The following EP300 variants were observed in gnomAD, a reference collection of about 807,000 sequenced individuals.
EP300 encodes EP300 lysine acetyltransferase.
EP300 carries 31 observed loss-of-function variants against 264.0 expected under a neutral mutation model. The observed-to-expected ratio is 0.12, with a 90% CI of 0.09 to 0.16. The LOEUF is 0.16. Ranked by LOEUF, EP300 falls within the 10% of genes least tolerant of loss-of-function variation. The pLI, the probability that EP300 is intolerant of heterozygous loss-of-function variation, is 1.00. For synonymous variants in EP300, 1,340 were observed against 1,045.4 expected, an observed-to-expected ratio of 1.28 and a Z score of -5.44; for missense variants, 2,766 against 3,052.9, an observed-to-expected ratio of 0.91 and a Z score of 2.21.
chr22:41,136,224 C>T (rs2058949640), intron 7 of EP300, among the ~76,000 whole-genome samples: 1 of 152,194 alleles, frequency 6.6e-6, no homozygotes, highest in Non-Finnish European at 1.5e-5. Context: ...CAGGGTTTCA[C>T]TGTGTTGGCC....
chr22:41,158,364 C>A (rs2145749292), intron 18 of EP300, 48 bp from the exon 19 acceptor site: 1 of 1,508,382 alleles, frequency 6.6e-7, no homozygotes, highest in Non-Finnish European at 9.2e-7. Context: ...ACTGTTCTAG[C>A]TTGTCCTTAA....
chr22:41,130,708 T>C (rs1301301818), intron 5 of EP300, among the ~76,000 whole-genome samples: 1 of 152,164 alleles, frequency 6.6e-6, no homozygotes, highest in East Asian at 1.9e-4. Flanking sequence ...AAGTTATTCT[T>C]TTATACTATA....
chr22:41,147,944 C>G lies in EP300; in HGVS notation c.2239C>G (p.Pro747Ala), dbSNP rs368925714. The change falls in exon 12 of 31, where the codon CCG (proline) becomes GCG (alanine). Residue 747 changes from proline to alanine, a missense_variant and splice_region_variant. By Grantham distance (27) the Pro-to-Ala change is conservative. Transcript: ENST00000263253. The part of the protein sequence containing the change: ...GQLAQPGALN[P>A]PMGYGPRMQQ... Reference sequence around the variant, plus strand: ...GTTGGCTCAACCTGGAGCTCTCAACCCGGTTAGTTTGACGTCTTTGGTAAT... The same window carrying G: ...GTTGGCTCAACCTGGAGCTCTCAACGCGGTTAGTTTGACGTCTTTGGTAAT... 1 of 1,599,564 alleles carries G rather than the reference C, an allele frequency of 6.3e-7. No individual in the cohort carries two copies. The highest frequency in any genetic ancestry group is 8.5e-7 in the Non-Finnish European group (1 of 1,172,466).
At chr22:41,148,046 C>T in intron 12 of EP300, 100 bp downstream of exon 12, 1 of 851,096 alleles carries the variant, frequency 1.2e-6, no homozygotes, top group Non-Finnish European at 1.8e-6. Flanking sequence ...TTTAAACAGA[C>T]CATAACTCCT....
At chr22:41,112,486 A>G (rs2058798048) in intron 1 of EP300, among the ~76,000 whole-genome samples, 1 of 152,230 alleles carries the variant, frequency 6.6e-6, no homozygotes, top group Admixed American at 6.5e-5. Context: ...GGCGTGAGCC[A>G]CTGTGCCTGG....
At chr22:41,096,682 G>C (rs1342868131) in intron 1 of EP300, among the ~76,000 whole-genome samples, 1 of 143,062 alleles carries the variant, frequency 7.0e-6, no homozygotes, top group Admixed American at 7.4e-5. Flanking sequence ...GCAGTAGCTC[G>C]ATCTTGGCTC....
chr22:41,110,128 C>CCCCT (rs1555904630), intron 1 of EP300, among the ~76,000 whole-genome samples: 5 of 108,556 alleles, frequency 4.6e-5, no homozygotes, highest in Non-Finnish European at 5.8e-5. Context: ...CCCCCCCCCC[C>CCCCT]TTTTTTTTTA....
At chr22:41,127,039 C>T (rs1028779706) in intron 3 of EP300, among the ~76,000 whole-genome samples, 4 of 151,990 alleles carry the variant, frequency 2.6e-5, no homozygotes, top group South Asian at 2.1e-4. Flanking sequence ...CCACCGCGCC[C>T]GGCCTGAAAT....
chr22:41,178,619 T>C lies in EP300; in HGVS notation c.6908T>C (p.Leu2303Pro), dbSNP rs1395608183. 1.9e-6 allele frequency: 3 copies of C among 1,613,816 alleles called. No homozygotes were observed. Among genetic ancestry groups the C allele is most frequent in the Non-Finnish European group, 8.5e-7 (1 of 1,179,958 alleles). Reference sequence around the variant, plus strand: ...CAAGGCCAGCAGATCCCTAATTCTCTCTCCAATCAAGTGCGCTCTCCCCAG... The same window carrying C: ...CAAGGCCAGCAGATCCCTAATTCTCCCTCCAATCAAGTGCGCTCTCCCCAG... ...HLQGQQIPNS[L>P]SNQVRSPQPV... The change falls in exon 31 of 31, where the codon CTC (leucine) becomes CCC (proline). Residue 2303 changes from leucine to proline, a missense_variant. Physicochemically the swap from Leu to Pro is moderately conservative, Grantham distance 98. Coordinates refer to ENST00000263253, the MANE Select transcript of EP300 (RefSeq NM_001429.4).
chr22:41,098,902 T>C (rs2058716270), intron 1 of EP300, among the ~76,000 whole-genome samples: 1 of 152,128 alleles, frequency 6.6e-6, no homozygotes, highest in African/African-American at 2.4e-5. Context: ...TCCACCTTAC[T>C]TACCCACCTT....
chr22:41,177,674 G>A lies in EP300; in HGVS notation c.5963G>A (p.Gly1988Glu), dbSNP rs2059209841. 4 of 1,613,890 alleles carry A rather than the reference G, an allele frequency of 2.5e-6. No individual in the cohort carries two copies. The highest frequency in any genetic ancestry group is 3.4e-6 in the Non-Finnish European group (4 of 1,180,016). The change falls in exon 31 of 31, where the codon GGG becomes GAG. Residue 1988 changes from glycine to glutamate, a missense_variant. Transcript: ENST00000263253. ...GHLEPGMGPTGMQQQPPWSQG... is the reference protein window; with the variant it reads ...GHLEPGMGPTEMQQQPPWSQG... ...TTGGAGCCAGGGATGGGACCGACAG[G>A]GATGCAGCAACAGCCACCCTGGAGC...
chr22:41,174,703 T>G (rs1339498618), intron 29 of EP300: 2 of 152,162 alleles, frequency 1.3e-5, no homozygotes, highest in African/African-American at 4.8e-5. Context: ...ACTCCTCATT[T>G]TACTATCTCG....
Position 41,155,243 on chromosome 22 carries a change from CCT to C in EP300, c.3261+131_3261+132del, listed in dbSNP as rs940762680. The C allele has an allele frequency of 7.1e-5, 59 of 826,270 alleles. No homozygotes were observed. The East Asian group carries it at 8.1e-4, about 11-fold the overall frequency. The allele number at this position is 826,270 out of a possible 1,614,324, so 51.2% of individuals were successfully genotyped here. A position where few individuals can be genotyped will look rare whatever the true frequency, so the allele number is the denominator to read the frequency against. ...AATTCAGTGATTTTTTTTTTTTCCC[CCT>C]GAGACAGGGTCTTATTCTGGTTGCC... On this transcript the variant is annotated intron_variant, in intron 17 of 30. Coordinates refer to ENST00000263253, the MANE Select transcript of EP300 (RefSeq NM_001429.4).
intron 13 of EP300, 140 bp from the exon 14 acceptor site, chr22:41,149,621 T>C: frequency 2.2e-6 from 2 of 894,072 alleles, no homozygotes; most frequent in Non-Finnish European, 3.6e-6. Flanking sequence ...AGTAATAGGG[T>C]ATTTTACACA....
rs767582855 is a variant in EP300, at chr22:41,157,265, G to A, written c.3358G>A (p.Asp1120Asn). 2 of 1,614,156 alleles carry A rather than the reference G, an allele frequency of 1.2e-6. No individual in the cohort carries two copies. The highest frequency in any genetic ancestry group is 1.7e-6 in the Non-Finnish European group (2 of 1,180,024). The change falls in exon 18 of 31, where the codon GAT becomes AAT. Residue 1120 changes from aspartate to asparagine, a missense_variant. Asp to Asn is a conservative substitution (Grantham distance 23, BLOSUM62 1). Transcript: ENST00000263253. ...QYQEPWQYVD[D>N]IWLMFNNAWL... ...TCAGGAGCCCTGGCAGTATGTCGAT[G>A]ATATTTGGCTTATGTTCAATAATGC...
rs2145722686 is a variant in EP300, at chr22:41,137,683, C to T, written c.1653C>T (p.Pro551=). ...NPMMSENASV[P]SLGPMPTAAQ... is the part of the protein sequence containing the mutation. ...TGATGAGTGAAAATGCCAGTGTGCC[C>T]TCCCTGGGTCCTATGCCAACAGCAG... The change falls in exon 8 of 31, where the codon CCC becomes CCT. Residue 551 remains proline, a synonymous_variant. Coordinates refer to ENST00000263253, the MANE Select transcript of EP300 (RefSeq NM_001429.4). 1.2e-6 allele frequency: 2 copies of T among 1,614,160 alleles called. No homozygotes were observed. The highest frequency in any genetic ancestry group is 1.7e-6 in the Non-Finnish European group (2 of 1,180,024).
At chr22:41,119,182 T>TTG (rs1569091385) in intron 2 of EP300, among the ~76,000 whole-genome samples, 1 of 133,518 alleles carries the variant, frequency 7.5e-6, no homozygotes, top group African/African-American at 2.9e-5. Context: ...ATTATTTTTT[T>TTG]TTTTTTTTTT....
chr22:41,130,061 C>T, intron 5 of EP300, 58 bp downstream of exon 5: 2 of 1,226,836 alleles, frequency 1.6e-6, no homozygotes, highest in Non-Finnish European at 2.4e-6. Context: ...TCACCAGTGC[C>T]ATTTATAGTA....
At chr22:41,128,937 G>A (rs894392015) in intron 4 of EP300, among the ~76,000 whole-genome samples, 3 of 152,110 alleles carry the variant, frequency 2.0e-5, no homozygotes, top group Admixed American at 6.6e-5. Flanking sequence ...TGGCAATTAC[G>A]AATAAAGCTG....
Sources: gnomAD v4.1 joint callset for allele counts (sites outside exome capture counted in the v4.1 genomes callset) on GRCh38, gnomAD v4.1.1 for gene constraint, MANE v1.5 for transcripts, NCBI Gene and HGNC (gene_info 2026-07-23, HGNC 2026-07-21) for gene names.